Variants in ERI1 observed in about 807,000 individuals in gnomAD.
ERI1 encodes 3'-5' exoribonuclease 1.
ERI1 carries 39 observed loss-of-function variants against 39.7 expected under a neutral mutation model. The observed-to-expected ratio is 0.98, with a 90% confidence interval of 0.76 to 1.28. ERI1 has a LOEUF of 1.28. ERI1 is among the 50% of genes most tolerant of loss of function. The probability of loss-of-function intolerance (pLI) is 0.00; values close to 1 mark genes in which losing one functional copy is unlikely to be tolerated. For synonymous variants in ERI1, 204 were observed against 149.6 expected, an observed-to-expected ratio of 1.36 and a Z score of -2.65; for missense variants, 581 against 416.9, an observed-to-expected ratio of 1.39 and a Z score of -3.43.
At chr8:9,028,042 C>T (rs1055414881) in intron 6 of ERI1, among the ~76,000 whole-genome samples, 1 of 152,184 alleles carries the variant, frequency 6.6e-6, no homozygotes, top group South Asian at 2.1e-4. Flanking sequence ...TTTCTTTCCT[C>T]ATGAGGTCTT....
chr8:9,010,568 A>T (rs1269354612), intron 2 of ERI1, among the ~76,000 whole-genome samples: 6 of 152,152 alleles, frequency 3.9e-5, no homozygotes, highest in Admixed American at 3.9e-4. Context: ...AAGACTAAAA[A>T]GGTTTTTTTT....
Position 9,031,265 on chromosome 8 carries a change from G to A in ERI1, c.*1231G>A, listed in dbSNP as rs1185781828. 6.6e-6 allele frequency: 1 copy of A among 152,090 alleles called. No individual in the cohort carries two copies. Among genetic ancestry groups the A allele is most frequent in the Non-Finnish European group, 1.5e-5 (1 of 68,012 alleles). 9.4% of individuals were successfully genotyped at this position (152,090 alleles called of 1,614,324 possible). A position where few individuals can be genotyped will look rare whatever the true frequency, so the allele number is the denominator to read the frequency against. ...AAGGTTTCCAAACCTATATCATATA[G>A]GGTGAAAAGCAGGAAAGTAGACATT... On this transcript the variant is annotated 3_prime_UTR_variant, in exon 7 of 7. Coordinates refer to ENST00000250263, the MANE Select transcript of ERI1 (RefSeq NM_153332.4).
At chr8:9,070,037 G>A (rs1798998815) in intron 3 of ERI1, among the ~76,000 whole-genome samples, 1 of 151,996 alleles carries the variant, frequency 6.6e-6, no homozygotes, top group African/African-American at 2.4e-5. Context: ...TCAGGAGTTT[G>A]AGACTAGCCT....
chr8:9,077,100 T>A (rs1429519326), intron 3 of ERI1, among the ~76,000 whole-genome samples: 1 of 152,238 alleles, frequency 6.6e-6, no homozygotes, highest in Non-Finnish European at 1.5e-5. Flanking sequence ...AGCTACCCAT[T>A]ACCTACTGAA....
At chr8:9,019,160 G>A (rs767687419) in intron 5 of ERI1, among the ~76,000 whole-genome samples, 7 of 152,168 alleles carry the variant, frequency 4.6e-5, no homozygotes, top group Non-Finnish European at 8.8e-5. Context: ...TAAATGGGAA[G>A]ATCAGAAAGA....
chr8:9,043,276 G>C (rs1182370620), intron 3 of ERI1, among the ~76,000 whole-genome samples: 4 of 152,162 alleles, frequency 2.6e-5, no homozygotes, highest in African/African-American at 9.7e-5. Flanking sequence ...CAGATATGTA[G>C]GTGAAACCTG....
intron 3 of ERI1, among the ~76,000 whole-genome samples, chr8:9,080,726 ACTT>A (rs1339087341): frequency 6.6e-6 from 1 of 152,082 alleles, no homozygotes; most frequent in Non-Finnish European, 1.5e-5. Flanking sequence ...GACCTTGGCC[ACTT>A]CTTCATTTGC....
At chr8:9,054,705 AC>A (rs2117381524) in intron 3 of ERI1, among the ~76,000 whole-genome samples, 1 of 152,372 alleles carries the variant, frequency 6.6e-6, no homozygotes, top group South Asian at 2.1e-4. Context: ...GGGGCAGATC[AC>A]TTGAGGCCAA....
intron 3 of ERI1, among the ~76,000 whole-genome samples, chr8:9,048,830 G>A (rs1227019185): frequency 6.6e-6 from 1 of 151,906 alleles, no homozygotes; most frequent in Non-Finnish European, 1.5e-5. Context: ...ATTTTTAGTG[G>A]AGATGGGGTC....
At chr8:9,062,240 G>C (rs181869732) in intron 3 of ERI1, among the ~76,000 whole-genome samples, 60 of 152,190 alleles carry the variant, frequency 3.9e-4, no homozygotes, top group South Asian at 2.5e-3. Context: ...AGGGGTGCAT[G>C]ATCAGTCGCC....
At chr8:9,016,489 A>G in intron 4 of ERI1, 84 bp downstream of exon 4, 1 of 745,506 alleles carries the variant, frequency 1.3e-6, no homozygotes, top group Non-Finnish European at 2.1e-6. Flanking sequence ...TAAAAAAATT[A>G]TTACTGTTGT....
At chr8:9,043,568 C>G (rs1340307742) in intron 3 of ERI1, among the ~76,000 whole-genome samples, 1 of 152,214 alleles carries the variant, frequency 6.6e-6, no homozygotes, top group Admixed American at 6.5e-5. Context: ...TAGGCCTAGA[C>G]TCACTTTGGT....
intron 3 of ERI1, among the ~76,000 whole-genome samples, chr8:9,059,446 G>A (rs920813438): frequency 6.6e-6 from 1 of 152,086 alleles, no homozygotes. Context: ...CAGGATTAGG[G>A]GCAGCGTGGG....
chr8:9,087,933 C>A (rs1799582041), intron 3 of ERI1, among the ~76,000 whole-genome samples: 1 of 152,164 alleles, frequency 6.6e-6, no homozygotes, highest in Non-Finnish European at 1.5e-5. Context: ...ACTTTCAGTA[C>A]AAATAAGGAA....
intron 1 of ERI1, among the ~76,000 whole-genome samples, chr8:9,005,659 C>G (rs1417335188): frequency 7.1e-6 from 1 of 141,090 alleles, no homozygotes; most frequent in Non-Finnish European, 1.5e-5. Context: ...GGACTACAGG[C>G]GCCCGCCCGG....
chr8:9,004,059 C>G, intron 1 of ERI1: 1 of 1,288,740 alleles, frequency 7.8e-7, no homozygotes, highest in South Asian at 1.2e-5. Context: ...ACAGTTTTTT[C>G]CCTTTTGTTC....
chr8:9,057,221 T>G (rs1047213478), intron 3 of ERI1, among the ~76,000 whole-genome samples: 1 of 152,162 alleles, frequency 6.6e-6, no homozygotes, highest in Non-Finnish European at 1.5e-5. Flanking sequence ...CACTGCTCAC[T>G]GCAGCCTTGA....
At position 9,002,987 on chromosome 8, in the gene ERI1, C is replaced by T. The variant is rs76731828; in HGVS notation, c.-77C>T. The T allele has an allele frequency of 1.9e-6, 2 of 1,026,312 alleles. No homozygotes were observed. Among genetic ancestry groups the T allele is most frequent in the East Asian group, 3.3e-5 (1 of 30,714 alleles). 63.6% of individuals were successfully genotyped at this position (1,026,312 alleles called of 1,614,324 possible). On this transcript the variant is annotated 5_prime_UTR_variant, in exon 1 of 7. Transcript: ENST00000250263. ...CCGGTAATTTTTCAACGGAGAAAGG[C>T]GAGGCTTTCGGGCTCTGCAGAGTGA...
intron 3 of ERI1, among the ~76,000 whole-genome samples, chr8:9,094,728 TCTC>T (rs960448230): frequency 1.4e-4 from 21 of 152,178 alleles, no homozygotes; most frequent in African/African-American, 4.3e-4. Context: ...AGGTATTTCA[TCTC>T]CTGTAGGACG....
Sources: gnomAD v4.1 joint callset for allele counts (sites outside exome capture counted in the v4.1 genomes callset) on GRCh38, gnomAD v4.1.1 for gene constraint, MANE v1.5 for transcripts, NCBI Gene and HGNC (gene_info 2026-07-23, HGNC 2026-07-21) for gene names.